The following DDIAS variants were observed in gnomAD, a reference collection of about 807,000 sequenced individuals.
DDIAS encodes DNA damage induced apoptosis suppressor, also known as DNA damage-induced apoptosis suppressor protein.
A neutral mutation model predicts 15.7 loss-of-function variants in DDIAS; 14 were observed. That is an observed-to-expected ratio of 0.89 (90% CI 0.59 to 1.39). The LOEUF (loss-of-function observed/expected upper bound fraction) is 1.39. Ranked by LOEUF, DDIAS falls within the 40% of genes most tolerant of loss-of-function variation. The pLI, the probability that DDIAS is intolerant of heterozygous loss-of-function variation, is 0.00. For synonymous variants in DDIAS, 355 were observed against 395.9 expected, an observed-to-expected ratio of 0.90 and a Z score of 1.23; for missense variants, 1,035 against 1,130.9, an observed-to-expected ratio of 0.92 and a Z score of 1.22.
intron 2 of DDIAS, chr11:82,913,837 A>C (rs913313135): frequency 5.1e-6 from 2 of 391,272 alleles, no homozygotes; most frequent in Non-Finnish European, 9.9e-6. Flanking sequence ...TTTGCACATA[A>C]TTAATGAGAT....
chr11:82,912,865 G>C (rs1425199943), intron 1 of DDIAS, among the ~76,000 whole-genome samples: 5 of 152,122 alleles, frequency 3.3e-5, no homozygotes. Flanking sequence ...GGTCATTGTA[G>C]GGTTAATAAC....
At chr11:82,914,252 T>A (rs1020611222) in intron 2 of DDIAS, 6 of 195,950 alleles carry the variant, frequency 3.1e-5, no homozygotes, top group Non-Finnish European at 6.1e-5. Context: ...TTTTAATAAT[T>A]TAGTGCATGA....
chr11:82,903,424 T>C (rs1208722786), intron 1 of DDIAS, among the ~76,000 whole-genome samples: 1 of 152,234 alleles, frequency 6.6e-6, no homozygotes, highest in Non-Finnish European at 1.5e-5. Flanking sequence ...AGTAGTACCA[T>C]TTACTGAGAT....
rs759715868 is a variant in DDIAS at position 82,914,872 on chromosome 11, T to A, written c.113+21T>A. On this transcript the variant is annotated intron_variant, in intron 3 of 5. Coordinates refer to ENST00000533655, the MANE Select transcript of DDIAS (RefSeq NM_145018.4). ...AAAAGGTAAAAGTAAAGTCTGTAAGTGTGAGAGAGGAAATACAAATGCACA... is the reference window on the plus strand; with the variant it reads ...AAAAGGTAAAAGTAAAGTCTGTAAGAGTGAGAGAGGAAATACAAATGCACA... 8.2e-6 allele frequency: 12 copies of A among 1,471,430 alleles called. No homozygotes were observed. The South Asian group carries it at 1.4e-4, about 17-fold the overall frequency. 91.1% of individuals were successfully genotyped at this position (1,471,430 alleles called of 1,614,324 possible).
At position 82,926,291 on chromosome 11, in the gene DDIAS, G is replaced by C. The variant is rs1298910654; in HGVS notation, c.114-2486G>C. On this transcript the variant is annotated intron_variant, in intron 3 of 5. Transcript: ENST00000533655. Reference sequence around the variant, plus strand: ...TTTTGTAGAGACACAGTTTTGCCATGTTTCCCAGGCTGGACTCGAACTCCT... The same window carrying C: ...TTTTGTAGAGACACAGTTTTGCCATCTTTCCCAGGCTGGACTCGAACTCCT... Among the ~76,000 whole-genome samples the C allele has an allele frequency of 7.9e-5, 12 of 151,840 alleles. No homozygotes were observed. The South Asian group carries it at 2.1e-3, about 26-fold the overall frequency.
intron 3 of DDIAS, among the ~76,000 whole-genome samples, chr11:82,926,424 A>G (rs567378380): frequency 2.1e-4 from 32 of 152,328 alleles, no homozygotes; most frequent in Admixed American, 5.9e-4. Flanking sequence ...AATAGATACT[A>G]TTCACATAAA....
At chr11:82,930,856 A>G (rs900902204) in intron 5 of DDIAS, among the ~76,000 whole-genome samples, 9 of 152,206 alleles carry the variant, frequency 5.9e-5, no homozygotes, top group Non-Finnish European at 1.2e-4. Context: ...TCAGGGTTTT[A>G]AAAGAGGACT....
At chr11:82,928,992 C>G (rs1411237289) in intron 4 of DDIAS, 54 bp downstream of exon 4, 6 of 1,555,470 alleles carry the variant, frequency 3.9e-6, no homozygotes, top group Non-Finnish European at 5.2e-6. Flanking sequence ...TTTGAAGATA[C>G]AAGTTTATAA....
In DDIAS at chr11:82,933,631, A is replaced by G. The variant is rs1449105561; in HGVS notation, c.2293A>G (p.Ser765Gly). ...QSDSEYNFEN[S>G]QDFVPCSQST... is the part of the protein sequence containing the mutation. Reference sequence around the variant, plus strand: ...AGATTCAGAATATAATTTTGAAAATAGTCAAGACTTTGTTCCATGTTCACA... The same window carrying G: ...AGATTCAGAATATAATTTTGAAAATGGTCAAGACTTTGTTCCATGTTCACA... Residue 765 changes from serine to glycine, a missense_variant, in exon 6 of 6, where the codon AGT (serine) becomes GGT (glycine). By Grantham distance (56) the Ser-to-Gly change is moderately conservative. Coordinates refer to ENST00000533655, the MANE Select transcript of DDIAS (RefSeq NM_145018.4). 1.9e-6 allele frequency: 3 copies of G among 1,613,888 alleles called. No homozygotes were observed. The highest frequency in any genetic ancestry group is 2.5e-6 in the Non-Finnish European group (3 of 1,179,860).
At chr11:82,929,948 C>T (rs916651486) in intron 4 of DDIAS, among the ~76,000 whole-genome samples, 15 of 152,134 alleles carry the variant, frequency 9.9e-5, no homozygotes, top group Non-Finnish European at 1.5e-4. Context: ...AGGCAGGTAA[C>T]TACTTTACTC....
chr11:82,913,886 A>C (rs1208554761), intron 2 of DDIAS: 2 of 412,536 alleles, frequency 4.8e-6, no homozygotes, highest in Non-Finnish European at 9.4e-6. Flanking sequence ...AAATTTGTTT[A>C]TGTTTTATAT....
At chr11:82,907,991 C>A (rs1000901965) in intron 1 of DDIAS, among the ~76,000 whole-genome samples, 1 of 152,102 alleles carries the variant, frequency 6.6e-6, no homozygotes, top group Admixed American at 6.5e-5. Flanking sequence ...TAAGCAAAGA[C>A]ATACATAGGA....
chr11:82,902,168 G>C (rs74791332), intron 1 of DDIAS, among the ~76,000 whole-genome samples: 2 of 152,150 alleles, frequency 1.3e-5, no homozygotes, highest in Non-Finnish European at 2.9e-5. Flanking sequence ...AGAGTAGTAC[G>C]TGCTGAAAGG....
chr11:82,931,781 A>T lies in DDIAS; in HGVS notation c.443A>T (p.Gln148Leu). ...GQGSDASNFL[Q>L]QCSDHKRKAK... Reference sequence around the variant, plus strand: ...GGTTCAGATGCCAGTAACTTCTTACAGCAATGCTCTGACCACAAAAGAAAA... The same window carrying T: ...GGTTCAGATGCCAGTAACTTCTTACTGCAATGCTCTGACCACAAAAGAAAA... The change falls in exon 6 of 6, where the codon CAG becomes CTG. Residue 148 changes from glutamine (Q) to leucine (L), a missense_variant. Transcript: ENST00000533655. 1.2e-6 allele frequency: 2 copies of T among 1,612,644 alleles called. No individual in the cohort carries two copies. The highest frequency in any genetic ancestry group is 1.7e-6 in the Non-Finnish European group (2 of 1,179,578).
chr11:82,908,293 C>G (rs1860468849), intron 1 of DDIAS, among the ~76,000 whole-genome samples: 1 of 152,052 alleles, frequency 6.6e-6, no homozygotes, highest in Admixed American at 6.6e-5. Context: ...GAGAGTGGTA[C>G]AAAGTGAGGT....
chr11:82,920,705 G>A (rs1309933894), intron 3 of DDIAS, among the ~76,000 whole-genome samples: 3 of 152,122 alleles, frequency 2.0e-5, no homozygotes, highest in Non-Finnish European at 2.9e-5. Flanking sequence ...TTTTGGAGTT[G>A]ATTTCCAGTT....
rs1327686343 is a variant in DDIAS at position 82,932,594 on chromosome 11, C to T, written c.1256C>T (p.Ser419Phe). The part of the protein sequence containing the change: ...DPQIWDDLPF[S>F]ESLNKFLAVL... ...CAAATTTGGGATGATCTGCCATTCT[C>T]TGAAAGCCTGAACAAGTTTCTGGCA... is the stretch of plus-strand genomic sequence containing the variant. Residue 419 changes from serine (S) to phenylalanine (F), a missense_variant, in exon 6 of 6, where the codon TCT becomes TTT. Coordinates refer to ENST00000533655, the MANE Select transcript of DDIAS (RefSeq NM_145018.4). The T allele has an allele frequency of 1.2e-5, 19 of 1,614,166 alleles. No homozygotes were observed. Among genetic ancestry groups the T allele is most frequent in the Non-Finnish European group, 1.5e-5 (18 of 1,180,022 alleles).
Position 82,928,823 on chromosome 11 carries a change from A to C in DDIAS, c.160A>C (p.Asn54His). The C allele has an allele frequency of 6.2e-7, 1 of 1,613,522 alleles. No individual in the cohort carries two copies. Among genetic ancestry groups the C allele is most frequent in the Non-Finnish European group, 8.5e-7 (1 of 1,179,822 alleles). Residue 54 changes from asparagine (N) to histidine (H), a missense_variant, in exon 4 of 6, where the codon AAT becomes CAT. Coordinates refer to ENST00000533655, the MANE Select transcript of DDIAS (RefSeq NM_145018.4). ...CGSTGESGNA[N>H]YRYKLSLKVA... ...CTCTACTGGTGAATCTGGAAATGCCAATTACAGATACAAACTTTCCTTAAA... is the reference window on the plus strand; with the variant it reads ...CTCTACTGGTGAATCTGGAAATGCCCATTACAGATACAAACTTTCCTTAAA...
In DDIAS at chr11:82,934,140, T is replaced by C. The variant is rs1861067117; in HGVS notation, c.2802T>C (p.Thr934=). The C allele has an allele frequency of 6.2e-7, 1 of 1,610,750 alleles. No homozygotes were observed. The highest frequency in any genetic ancestry group is 1.7e-5 in the Admixed American group (1 of 59,240). The change falls in exon 6 of 6, where the codon ACT becomes ACC. Residue 934 remains threonine, a synonymous_variant. Transcript: ENST00000533655. ...MLAAVVTKKK[T]HKYNCKSSGW... The stretch of plus-strand genomic sequence containing the variant: ...CAGCAGTTGTTACGAAAAAGAAAAC[T>C]CATAAATATAACTGTAAAAGTTCAG...
Sources: gnomAD v4.1 joint callset for allele counts (sites outside exome capture counted in the v4.1 genomes callset) on GRCh38, gnomAD v4.1.1 for gene constraint, MANE v1.5 for transcripts, NCBI Gene and HGNC (gene_info 2026-07-23, HGNC 2026-07-21) for gene names.